The following LUZP2 variants were observed in gnomAD, a reference collection of about 807,000 sequenced individuals.
LUZP2 encodes the protein leucine zipper protein 2.
Under a neutral mutation model 51.6 loss-of-function variants are expected in LUZP2, and 52 were observed. The observed-to-expected ratio is 1.01, with a 90% CI of 0.81 to 1.27. The LOEUF (loss-of-function observed/expected upper bound fraction) is 1.27. Ranked by LOEUF, LUZP2 falls within the 50% of genes most tolerant of loss-of-function variation. The probability of loss-of-function intolerance (pLI) is 0.00; values close to 1 mark genes in which losing one functional copy is unlikely to be tolerated. For synonymous variants in LUZP2, 154 were observed against 137.3 expected (o/e 1.12, Z -0.85); for missense variants, 436 against 395.4 (o/e 1.10, Z -0.87).
At chr11:24,667,107 T>G (rs959443470) in intron 1 of LUZP2, among the ~76,000 whole-genome samples, 16 of 152,036 alleles carry the variant, frequency 1.1e-4, no homozygotes, top group Non-Finnish European at 2.2e-4. Context: ...ATATTGCCCA[T>G]GAAAACCTCC....
intron 1 of LUZP2, among the ~76,000 whole-genome samples, chr11:24,688,118 TATAATG>T (rs1484950293): frequency 6.6e-6 from 1 of 152,166 alleles, no homozygotes; most frequent in East Asian, 1.9e-4. Context: ...GAGTTAAGTT[TATAATG>T]ATAATAACAA....
chr11:24,966,131 A>G (rs1855574913), intron 7 of LUZP2, among the ~76,000 whole-genome samples: 1 of 151,754 alleles, frequency 6.6e-6, no homozygotes, highest in Admixed American at 6.6e-5. Flanking sequence ...GCATTTTTGT[A>G]TTTTGAATAT....
At chr11:25,019,859 C>T (rs1371096523) in intron 9 of LUZP2, among the ~76,000 whole-genome samples, 1 of 147,458 alleles carries the variant, frequency 6.8e-6, no homozygotes, top group East Asian at 1.9e-4. Context: ...GTGTCACATA[C>T]TTTATCTTCT....
At chr11:24,542,792 C>T (rs145623843) in intron 1 of LUZP2, among the ~76,000 whole-genome samples, 1 of 151,686 alleles carries the variant, frequency 6.6e-6, no homozygotes, top group Non-Finnish European at 1.5e-5. Context: ...TTTTTGGTGA[C>T]AATCAATGCA....
intron 1 of LUZP2, among the ~76,000 whole-genome samples, chr11:24,609,317 T>C (rs918045141): frequency 1.3e-5 from 2 of 152,080 alleles, no homozygotes; most frequent in Non-Finnish European, 2.9e-5. Flanking sequence ...AGTTGACAGA[T>C]TGTGAAAGCA....
intron 1 of LUZP2, among the ~76,000 whole-genome samples, chr11:24,583,053 T>C (rs890348327): frequency 1.3e-5 from 2 of 152,158 alleles, no homozygotes; most frequent in African/African-American, 2.4e-5. Context: ...AACTCTTCAT[T>C]ATCATTCAGC....
chr11:24,897,432 C>T (rs923173332), intron 5 of LUZP2, among the ~76,000 whole-genome samples: 3 of 152,106 alleles, frequency 2.0e-5, no homozygotes, highest in Non-Finnish European at 4.4e-5. Flanking sequence ...AGGTCCACAG[C>T]TTAACTTCTG....
intron 7 of LUZP2, among the ~76,000 whole-genome samples, chr11:24,915,063 T>C (rs1406658539): frequency 2.0e-5 from 3 of 151,658 alleles, no homozygotes; most frequent in Non-Finnish European, 2.9e-5. Context: ...ATATATTGTA[T>C]GTAAACCTTG....
chr11:24,500,866 T>C (rs1343847316), intron 1 of LUZP2, among the ~76,000 whole-genome samples: 3 of 152,162 alleles, frequency 2.0e-5, no homozygotes, highest in Non-Finnish European at 4.4e-5. Flanking sequence ...TTGGAATCTA[T>C]TTTTAGATGA....
At chr11:24,926,276 TATATATATATAC>T (rs1854236712) in intron 7 of LUZP2, among the ~76,000 whole-genome samples, 5 of 43,406 alleles carry the variant, frequency 1.2e-4, no homozygotes, top group African/African-American at 4.7e-4. Flanking sequence ...TATATACGTG[TATATATATATAC>T]GTGTGTATAT....
chr11:24,761,442 C>T (rs1408378785), intron 4 of LUZP2, among the ~76,000 whole-genome samples: 2 of 152,174 alleles, frequency 1.3e-5, no homozygotes, highest in Non-Finnish European at 2.9e-5. Context: ...TTAAGGATTA[C>T]ATTTCAACAT....
At chr11:24,502,227 GA>G (rs1261645254) in intron 1 of LUZP2, among the ~76,000 whole-genome samples, 1 of 139,882 alleles carries the variant, frequency 7.1e-6, no homozygotes, top group African/African-American at 3.1e-5. Flanking sequence ...GCAGAAAAAA[GA>G]AAAAATATAG....
At chr11:24,774,332 T>TTCTCTCTCCCTCTC in intron 5 of LUZP2, among the ~76,000 whole-genome samples, 1 of 41,920 alleles carries the variant, frequency 2.4e-5, no homozygotes, top group East Asian at 1.2e-3. Flanking sequence ...CTTAGTAAAC[T>TTCTCTCTCCCTCTC]TCTCTCTCTC....
chr11:25,031,015 A>AT (rs34776436), intron 9 of LUZP2, among the ~76,000 whole-genome samples: 213 of 11,870 alleles, frequency 0.018, 33 homozygotes, highest in East Asian at 0.06. Flanking sequence ...ATATATATAT[A>AT]TTTTTTTTTT....
intron 1 of LUZP2, among the ~76,000 whole-genome samples, chr11:24,725,469 A>G (rs1459641227): frequency 6.6e-6 from 1 of 152,086 alleles, no homozygotes; most frequent in Non-Finnish European, 1.5e-5. Flanking sequence ...TTTAGTAAAA[A>G]TTAAAAATTG....
chr11:24,912,072 A>T (rs1242067471), intron 6 of LUZP2, among the ~76,000 whole-genome samples: 1 of 151,660 alleles, frequency 6.6e-6, no homozygotes, highest in African/African-American at 2.4e-5. Context: ...AACATATCTC[A>T]CTCTTAACTT....
intron 5 of LUZP2, among the ~76,000 whole-genome samples, chr11:24,767,555 G>A (rs542048093): frequency 6.6e-6 from 1 of 152,286 alleles, no homozygotes; most frequent in African/African-American, 2.4e-5. Context: ...TTTCTTCTGT[G>A]TGTTTAAGCT....
At chr11:24,962,890 G>T (rs912979418) in intron 7 of LUZP2, among the ~76,000 whole-genome samples, 1 of 152,112 alleles carries the variant, frequency 6.6e-6, no homozygotes. Flanking sequence ...CATCTTTGTG[G>T]TTTTGTCTAC....
chr11:24,566,823 A>G (rs1459660112), intron 1 of LUZP2, among the ~76,000 whole-genome samples: 1 of 146,132 alleles, frequency 6.8e-6, no homozygotes, highest in South Asian at 2.1e-4. Context: ...TAACTTATAT[A>G]TACATATTTA....
Sources: gnomAD v4.1 joint callset for allele counts (sites outside exome capture counted in the v4.1 genomes callset) on GRCh38, gnomAD v4.1.1 for gene constraint, MANE v1.5 for transcripts, NCBI Gene and HGNC (gene_info 2026-07-23, HGNC 2026-07-21) for gene names.